The following MMP3 variants were observed in gnomAD, a reference collection of about 807,000 sequenced individuals.
MMP3 encodes the protein stromelysin-1.
In MMP3, 46 loss-of-function variants were observed where a neutral mutation model predicts 47.3. The observed-to-expected ratio is 0.97, with a 90% CI of 0.77 to 1.24. The LOEUF is 1.24. MMP3 is among the 50% of genes most tolerant of loss of function. The pLI, the probability that MMP3 is intolerant of heterozygous loss-of-function variation, is 0.00. For missense variants in MMP3, 558 were observed against 565.5 expected, an observed-to-expected ratio of 0.99 and a Z score of 0.13; for synonymous variants, 216 against 206.5, an observed-to-expected ratio of 1.05 and a Z score of -0.39.
In MMP3 at chr11:102,843,608, G is replaced by T; in HGVS notation, c.-62C>A. 7.5e-7 allele frequency: 1 copy of T among 1,334,914 alleles called. No homozygotes were observed. Among genetic ancestry groups the T allele is most frequent in the Non-Finnish European group, 1.1e-6 (1 of 940,614 alleles). 82.7% of individuals were successfully genotyped at this position (1,334,914 alleles called of 1,614,324 possible). A position where few individuals can be genotyped will look rare whatever the true frequency, so the allele number is the denominator to read the frequency against. On this transcript the variant is annotated 5_prime_UTR_variant, in exon 1 of 10. Coordinates refer to ENST00000299855, the MANE Select transcript of MMP3 (RefSeq NM_002422.5). ...GCCTTGCTGTCTTGCCTGCCTCCTTGTAGGTCCAACCTCGGGAGCGCAGCT... is the reference window on the plus strand; with the variant it reads ...GCCTTGCTGTCTTGCCTGCCTCCTTTTAGGTCCAACCTCGGGAGCGCAGCT...
Position 102,836,194 on chromosome 11 carries a change from A to G in MMP3, c.1366T>C (p.Leu456=), listed in dbSNP as rs137868254. The change falls in exon 10 of 10, where the codon TTG becomes CTG. Residue 456 remains leucine (L), a synonymous_variant. Coordinates refer to ENST00000299855, the MANE Select transcript of MMP3 (RefSeq NM_002422.5). The surrounding 1 kb of genome is among the most constrained non-coding windows in gnomAD (Gnocchi z 4.6). ...TTCTTTGCATTTGGGTCAAACTCCA[A>G]CTGTGAAGATCCAGTAAAGAAATAA... ...FFYFFTGSSQ[L]EFDPNAKKVT... is the part of the protein sequence containing the mutation. The G allele has an allele frequency of 5.8e-5, 94 of 1,613,920 alleles. No homozygotes were observed. The East Asian group carries it at 9.1e-4, about 16-fold the overall frequency.
chr11:102,843,411 C>A (rs782803382), intron 1 of MMP3, 31 bp downstream of exon 1: 1 of 1,533,732 alleles, frequency 6.5e-7, no homozygotes, highest in Non-Finnish European at 9.0e-7. Context: ...TGGAAGCTCC[C>A]CACCTGGCCA....
chr11:102,843,018 A>G, intron 1 of MMP3, 102 bp from the exon 2 acceptor site: 1 of 1,056,304 alleles, frequency 9.5e-7, no homozygotes, highest in East Asian at 2.6e-5. Flanking sequence ...ATCTATTTGG[A>G]GTATTTCTCT....
chr11:102,842,042 G>T, intron 4 of MMP3, 112 bp downstream of exon 4: 1 of 1,063,120 alleles, frequency 9.4e-7, no homozygotes, highest in Non-Finnish European at 1.3e-6. Context: ...GCTGATCTCT[G>T]ATCCACTGGA....
rs782598544 is a variant in MMP3 at position 102,839,215 on chromosome 11, G to A, written c.964C>T (p.Leu322Phe). ...RHFWRKSLRK[L>F]EPELHLISSF... ...GAGATCAAATGCAATTCAGGTTCAA[G>A]CTTCCTGAGGGATTTGCGCCAAAAG... Residue 322 changes from leucine to phenylalanine, a missense_variant, in exon 7 of 10, where the codon CTT (leucine) becomes TTT (phenylalanine). Leu to Phe is a conservative substitution (Grantham distance 22). Coordinates refer to ENST00000299855, the MANE Select transcript of MMP3 (RefSeq NM_002422.5). The A allele has an allele frequency of 5.0e-6, 8 of 1,613,948 alleles. No homozygotes were observed. The East Asian group carries it at 1.8e-4, about 36-fold the overall frequency.
chr11:102,843,553 T>C lies in MMP3; in HGVS notation c.-7A>G, dbSNP rs368234859. The C allele has an allele frequency of 8.1e-6, 13 of 1,609,380 alleles. No individual in the cohort carries two copies. Among genetic ancestry groups the C allele is most frequent in the South Asian group, 5.5e-5 (5 of 90,238 alleles). ...GGATTGGAAGACTCTTCATTTCCAC[T>C]GGCTTTACTTAGCTCTATGTTGTCT... On this transcript the variant is annotated 5_prime_UTR_variant, in exon 1 of 10. Coordinates refer to ENST00000299855, the MANE Select transcript of MMP3 (RefSeq NM_002422.5).
chr11:102,842,343 A>T (rs1859014554), intron 3 of MMP3, 64 bp from the exon 4 acceptor site: 8 of 1,566,676 alleles, frequency 5.1e-6, no homozygotes, highest in Middle Eastern at 1.7e-4. Flanking sequence ...CTTTTCCAGT[A>T]CAACAACACC....
intron 4 of MMP3, among the ~76,000 whole-genome samples, chr11:102,841,160 G>A (rs1858990505): frequency 6.6e-6 from 1 of 152,140 alleles, no homozygotes; most frequent in African/African-American, 2.4e-5. Flanking sequence ...ATCATGTCTA[G>A]CATTTGTCAC....
At chr11:102,840,839 C>T (rs558737325) in intron 4 of MMP3, among the ~76,000 whole-genome samples, 11 of 151,950 alleles carry the variant, frequency 7.2e-5, no homozygotes, top group Non-Finnish European at 1.0e-4. Flanking sequence ...CCCCCCATGG[C>T]CCCAAACCCA....
At position 102,840,102 on chromosome 11, in the gene MMP3, C is replaced by T; in HGVS notation, c.935+6G>A. 1.9e-6 allele frequency: 3 copies of T among 1,607,354 alleles called. No individual in the cohort carries two copies. The highest frequency in any genetic ancestry group is 2.5e-6 in the Non-Finnish European group (3 of 1,177,534). On this transcript the variant is annotated splice_donor_region_variant and intron_variant, in intron 6 of 9. Transcript: ENST00000299855. The stretch of plus-strand genomic sequence containing the variant: ...ATGGTAGGAAAATATAATTTTTCAG[C>T]CTGACCTGTCTTTAAAGATCAGGAT...
At chr11:102,842,344 C>A in intron 3 of MMP3, 65 bp from the exon 4 acceptor site, 1 of 1,554,154 alleles carries the variant, frequency 6.4e-7, no homozygotes, top group South Asian at 1.2e-5. Flanking sequence ...TTTTCCAGTA[C>A]AACAACACCA....
Position 102,840,531 on chromosome 11 carries a change from C to G in MMP3, c.688G>C (p.Ala230Pro), listed in dbSNP as rs1393459835. 4 of 1,613,896 alleles carry G rather than the reference C, an allele frequency of 2.5e-6. No homozygotes were observed. The highest frequency in any genetic ancestry group is 3.4e-6 in the Non-Finnish European group (4 of 1,179,992). ...GGGTACATCAAAGCTTCAGTGTTGGCTGAGTGAAAGAGACCCAGGGAGTGG... is the reference window on the plus strand; with the variant it reads ...GGGTACATCAAAGCTTCAGTGTTGGGTGAGTGAAAGAGACCCAGGGAGTGG... ...IGHSLGLFHS[A>P]NTEALMYPLY... Residue 230 changes from alanine to proline, a missense_variant, in exon 5 of 10, where the codon GCC (alanine) becomes CCC (proline). Ala to Pro is a conservative substitution (Grantham distance 27, BLOSUM62 -1). Transcript: ENST00000299855.
At position 102,837,560 on chromosome 11, in the gene MMP3, G is replaced by A. The variant is rs1408034724; in HGVS notation, c.1230-159C>T. ...ACTATAGAAATATGTGACTTTAATG[G>A]TACTGTAAAGAGTTCTGAAAGCCAT... On this transcript the variant is annotated intron_variant, in intron 8 of 9. Transcript: ENST00000299855. This position sits in a 1 kb window ranked among gnomAD's most constrained non-coding sequence, Gnocchi z 4.4. 2.0e-5 allele frequency among the ~76,000 whole-genome samples: 3 copies of A among 152,050 alleles called. No homozygotes were observed. The highest frequency in any genetic ancestry group is 2.0e-4 in the Admixed American group (3 of 15,274).
In MMP3 at chr11:102,840,185, C is replaced by A. The variant is rs145663265; in HGVS notation, c.858G>T (p.Thr286=). The A allele has an allele frequency of 3.7e-4, 598 of 1,614,024 alleles. 2 individuals carry two copies. In the African/African-American group the frequency reaches 6.9e-3, roughly 19 times the overall value. ...ACAAAGCAGGATCACAGTTGGCTGG[C>A]GTCCCAGGTTCTGGAGGGACAGGTT... ...PTEPVPPEPG[T]PANCDPALSF... is the part of the protein sequence containing the mutation. The change falls in exon 6 of 10, where the codon ACG becomes ACT. Residue 286 remains threonine (T), a synonymous_variant. Coordinates refer to ENST00000299855, the MANE Select transcript of MMP3 (RefSeq NM_002422.5).
chr11:102,838,441 T>C (rs1858924669), intron 8 of MMP3, 110 bp downstream of exon 8: 4 of 1,187,872 alleles, frequency 3.4e-6, no homozygotes, highest in Non-Finnish European at 4.7e-6. Flanking sequence ...AGTCCCATCC[T>C]TCCTACTAAG....
In MMP3 at chr11:102,837,463, A is replaced by G. The variant is rs1272708622; in HGVS notation, c.1230-62T>C. 3.3e-6 allele frequency: 4 copies of G among 1,225,364 alleles called. No homozygotes were observed. Among genetic ancestry groups the G allele is most frequent in the African/African-American group, 1.5e-5 (1 of 66,200 alleles). The allele number at this position is 1,225,364 out of a possible 1,614,324, so 75.9% of individuals were successfully genotyped here. A position where few individuals can be genotyped will look rare whatever the true frequency, so the allele number is the denominator to read the frequency against. On this transcript the variant is annotated intron_variant, in intron 8 of 9. Coordinates refer to ENST00000299855, the MANE Select transcript of MMP3 (RefSeq NM_002422.5). The surrounding 1 kb of genome is among the most constrained non-coding windows in gnomAD (Gnocchi z 4.4). ...GAGGCCATGTTACCGAACATCTTAG[A>G]TCATGTTAGGTTTAATGTGGAATTT...
rs1555004690 is a variant in MMP3 at position 102,837,123 on chromosome 11, A to C, written c.1333+175T>G. Among the ~76,000 whole-genome samples the C allele has an allele frequency of 6.6e-6, 1 of 152,234 alleles. No individual in the cohort carries two copies. The highest frequency in any genetic ancestry group is 2.4e-5 in the African/African-American group (1 of 41,464). On this transcript the variant is annotated intron_variant, in intron 9 of 9. Coordinates refer to ENST00000299855, the MANE Select transcript of MMP3 (RefSeq NM_002422.5). The surrounding 1 kb of genome is among the most constrained non-coding windows in gnomAD (Gnocchi z 4.4). ...TGTAATTATCTTTATGGTTCCAAAC[A>C]AGTTATTTTGTGAAGTAGTTCTATA...
Position 102,839,040 on chromosome 11 carries a change from A to G in MMP3, c.1069+70T>C, listed in dbSNP as rs568124102. On this transcript the variant is annotated intron_variant, in intron 7 of 9. Coordinates refer to ENST00000299855, the MANE Select transcript of MMP3 (RefSeq NM_002422.5). ...GCCAGAACTTGTAGTAGGGAAAATT[A>G]AAGTGTTGTTCAATTTCTTATGAGA... 43 of 1,529,388 alleles carry G rather than the reference A, an allele frequency of 2.8e-5. No homozygotes were observed. The East Asian group carries it at 3.6e-4, about 13-fold the overall frequency. 94.7% of individuals were successfully genotyped at this position (1,529,388 alleles called of 1,614,324 possible).
Position 102,838,475 on chromosome 11 carries a change from G to A in MMP3, c.1229+76C>T, listed in dbSNP as rs1858925234. The A allele has an allele frequency of 4.1e-6, 6 of 1,470,524 alleles. No individual in the cohort carries two copies. In the East Asian group the frequency reaches 1.4e-4, roughly 34 times the overall value. The allele number at this position is 1,470,524 out of a possible 1,614,324, so 91.1% of individuals were successfully genotyped here. A position where few individuals can be genotyped will look rare whatever the true frequency, so the allele number is the denominator to read the frequency against. Reference sequence around the variant, plus strand: ...AGAGAGAAGCAGGCCTAAGGTTGGGGTGGGGGATTTCCTTAGTAAAAGAAA... The same window carrying A: ...AGAGAGAAGCAGGCCTAAGGTTGGGATGGGGGATTTCCTTAGTAAAAGAAA... On this transcript the variant is annotated intron_variant, in intron 8 of 9. Coordinates refer to ENST00000299855, the MANE Select transcript of MMP3 (RefSeq NM_002422.5).
Sources: gnomAD v4.1 joint callset for allele counts (sites outside exome capture counted in the v4.1 genomes callset) on GRCh38, gnomAD v4.1.1 for gene constraint, Gnocchi (gnomAD v3.1) non-coding constraint, MANE v1.5 for transcripts, NCBI Gene and HGNC (gene_info 2026-07-23, HGNC 2026-07-21) for gene names.